Variants in ZNF628 observed in about 807,000 individuals in gnomAD.
ZNF628 encodes the protein zinc finger protein 628, also known as zinc finger protein Zec.
In ZNF628, 3 loss-of-function variants were observed where a neutral mutation model predicts 2.5. The ratio of observed to expected loss-of-function variants is 1.19; its 90% CI spans 0.54 to 3.07. ZNF628 has a LOEUF of 3.07. Among genes scored for constraint, ZNF628 ranks in the 30% most tolerant of loss-of-function variants. The pLI is 0.03. For synonymous variants in ZNF628, 861 were observed against 717.1 expected (o/e 1.20, Z -3.21); for missense variants, 1,610 against 1,517.1 (o/e 1.06, Z -1.02).
rs1235665654 is a variant in ZNF628 at position 55,481,806 on chromosome 19, C to T, written c.613C>T (p.Arg205Cys). The change falls in exon 3 of 3, where the codon CGC (arginine) becomes TGC (cysteine). Residue 205 changes from arginine to cysteine, a missense_variant. This residue lies in a region of ZNF628 where 651 missense variants were observed against 575.6 expected (regional missense o/e 1.13). Coordinates refer to ENST00000598519, the MANE Select transcript of ZNF628 (RefSeq NM_033113.3). ...QRVHTGERPF[R>C]CPLCPKTFTH... is the part of the protein sequence containing the mutation. ...CGTGCACACGGGCGAGCGGCCCTTC[C>T]GCTGCCCGCTCTGCCCCAAGACCTT... 1.9e-6 allele frequency: 3 copies of T among 1,601,890 alleles called. No homozygotes were observed. The highest frequency in any genetic ancestry group is 1.3e-5 in the African/African-American group (1 of 74,502).
rs1443577688 is a variant in ZNF628 at position 55,484,170 on chromosome 19, G to A, written c.2977G>A (p.Gly993Arg). The A allele has an allele frequency of 1.3e-6, 2 of 1,565,312 alleles. No individual in the cohort carries two copies. Among genetic ancestry groups the A allele is most frequent in the African/African-American group, 1.4e-5 (1 of 73,440 alleles). The change falls in exon 3 of 3, where the codon GGA (glycine) becomes AGA (arginine). Residue 993 changes from glycine to arginine, a missense_variant. Around this residue, in one of 5 missense-constraint regions of ZNF628, gnomAD observed 712 missense variants for 603.6 expected, o/e 1.18. Transcript: ENST00000598519. ...GCTGCTGGACAGCAGCAACACTGGA[G>A]GAGGCACCGCCACGCTGCAGCTCCT... ...TELLDSSNTG[G>R]GTATLQLLAP... is the part of the protein sequence containing the mutation.
At position 55,483,480 on chromosome 19, in the gene ZNF628, G is replaced by A; in HGVS notation, c.2287G>A (p.Ala763Thr). 6.5e-7 allele frequency: 1 copy of A among 1,528,848 alleles called. No individual in the cohort carries two copies. The highest frequency in any genetic ancestry group is 8.8e-7 in the Non-Finnish European group (1 of 1,140,218). The allele number at this position is 1,528,848 out of a possible 1,614,324, so 94.7% of individuals were successfully genotyped here. ...GGGRARQGPR[A>T]VGKAGQGAGV... The stretch of plus-strand genomic sequence containing the variant: ...CGGCCGTGCAAGGCAGGGCCCGCGG[G>A]CAGTGGGGAAAGCGGGCCAGGGGGC... The change falls in exon 3 of 3, where the codon GCA (alanine) becomes ACA (threonine). Residue 763 changes from alanine to threonine, a missense_variant. Physicochemically the swap from Ala to Thr is moderately conservative, Grantham distance 58 (BLOSUM62 0). Around this residue, in one of 5 missense-constraint regions of ZNF628, gnomAD observed 712 missense variants for 603.6 expected, o/e 1.18. Transcript: ENST00000598519.
rs572374368 is a variant in ZNF628, at chr19:55,479,398, G to C, written c.-77-436G>C. 1.3e-5 allele frequency among the ~76,000 whole-genome samples: 2 copies of C among 152,340 alleles called. No individual in the cohort carries two copies. The highest frequency in any genetic ancestry group is 3.9e-4 in the East Asian group (2 of 5,186). ...GAATGGAGAAACGAGTCTGCAGCTG[G>C]ACAGGGAAGTGGAGTGAAGAGCTTT... On this transcript the variant is annotated intron_variant, in intron 1 of 2. Transcript: ENST00000598519. This position sits in a 1 kb window ranked among gnomAD's most constrained non-coding sequence, Gnocchi z 5.1.
At position 55,483,891 on chromosome 19, in the gene ZNF628, T is replaced by C. The variant is rs561645654; in HGVS notation, c.2698T>C (p.Leu900=). ...LVVQSGAAEE[L]LTGPGPGEAG... ...TGTTCAGAGCGGGGCAGCTGAGGAG[T>C]TGCTCACTGGCCCGGGCCCCGGGGA... is the stretch of plus-strand genomic sequence containing the variant. The change falls in exon 3 of 3, where the codon TTG becomes CTG. Residue 900 remains leucine (L), a synonymous_variant. Coordinates refer to ENST00000598519, the MANE Select transcript of ZNF628 (RefSeq NM_033113.3). 52 of 1,601,484 alleles carry C rather than the reference T, an allele frequency of 3.2e-5. No homozygotes were observed. In the East Asian group the frequency reaches 9.9e-4, roughly 30 times the overall value.
Position 55,484,303 on chromosome 19 carries a change from C to A in ZNF628, c.3110C>A (p.Thr1037Asn). The A allele has an allele frequency of 1.3e-6, 2 of 1,509,570 alleles. No individual in the cohort carries two copies. Among genetic ancestry groups the A allele is most frequent in the Non-Finnish European group, 1.8e-6 (2 of 1,128,084 alleles). 93.5% of individuals were successfully genotyped at this position (1,509,570 alleles called of 1,614,324 possible). Residue 1037 changes from threonine to asparagine, a missense_variant, in exon 3 of 3, where the codon ACC (threonine) becomes AAC (asparagine). Thr to Asn is a moderately conservative substitution (Grantham distance 65, BLOSUM62 0). Coordinates refer to ENST00000598519, the MANE Select transcript of ZNF628 (RefSeq NM_033113.3). The stretch of plus-strand genomic sequence containing the variant: ...GCAGGAGCTGGGCCTGGTGTTATGA[C>A]CCCTCAGGGCCTGCCCTCCATCCAG... ...VPAGAGPGVM[T>N]PQGLPSIQIV...
In ZNF628 at chr19:55,483,905, G is replaced by T; in HGVS notation, c.2712G>T (p.Pro904=). Residue 904 remains proline, a synonymous_variant, in exon 3 of 3, where the codon CCG becomes CCT. Coordinates refer to ENST00000598519, the MANE Select transcript of ZNF628 (RefSeq NM_033113.3). ...SGAAEELLTG[P]GPGEAGDGEA... is the part of the protein sequence containing the mutation. Reference sequence around the variant, plus strand: ...CAGCTGAGGAGTTGCTCACTGGCCCGGGCCCCGGGGAGGCGGGGGATGGCG... The same window carrying T: ...CAGCTGAGGAGTTGCTCACTGGCCCTGGCCCCGGGGAGGCGGGGGATGGCG... 3 of 1,589,840 alleles carry T rather than the reference G, an allele frequency of 1.9e-6. No individual in the cohort carries two copies. Among genetic ancestry groups the T allele is most frequent in the Non-Finnish European group, 2.6e-6 (3 of 1,166,604 alleles).
Position 55,481,238 on chromosome 19 carries a change from C to A in ZNF628, c.45C>A (p.Ala15=). 1 of 1,577,210 alleles carries A rather than the reference C, an allele frequency of 6.3e-7. No individual in the cohort carries two copies. The highest frequency in any genetic ancestry group is 1.8e-5 in the Admixed American group (1 of 54,636). The change falls in exon 3 of 3, where the codon GCC becomes GCA. Residue 15 remains alanine (A), a synonymous_variant. Coordinates refer to ENST00000598519, the MANE Select transcript of ZNF628 (RefSeq NM_033113.3). The part of the protein sequence containing the change: ...MVGSHADMAP[A]STAEGAGEKP... ...GCTCCCACGCGGACATGGCGCCGGC[C>A]TCTACTGCGGAGGGGGCCGGGGAGA...
At chr19:55,476,956 G>C (rs1246019864) in intron 1 of ZNF628, 149 bp downstream of exon 1, 1 of 152,168 alleles carries the variant, frequency 6.6e-6, no homozygotes, top group Non-Finnish European at 1.5e-5. Context: ...GCTAGGCCGG[G>C]TCCGCCCTCT....
In ZNF628 at chr19:55,483,201, C is replaced by G. The variant is rs756660858; in HGVS notation, c.2008C>G (p.Arg670Gly). 4 of 1,543,542 alleles carry G rather than the reference C, an allele frequency of 2.6e-6. No homozygotes were observed. The highest frequency in any genetic ancestry group is 3.5e-6 in the Non-Finnish European group (4 of 1,151,584). ...PQPPAPLAAARAPPATQDVHV... is the reference protein window; with the variant it reads ...PQPPAPLAAAGAPPATQDVHV... ...GCCCCCTGCTCCACTGGCTGCTGCG[C>G]GGGCCCCGCCAGCCACCCAAGATGT... Residue 670 changes from arginine to glycine, a missense_variant, in exon 3 of 3, where the codon CGG (arginine) becomes GGG (glycine). This residue lies in a region of ZNF628 where 712 missense variants were observed against 603.6 expected (regional missense o/e 1.18). Coordinates refer to ENST00000598519, the MANE Select transcript of ZNF628 (RefSeq NM_033113.3).
At chr19:55,478,065 TG>T (rs1452249220) in intron 1 of ZNF628, among the ~76,000 whole-genome samples, 2 of 151,636 alleles carry the variant, frequency 1.3e-5, no homozygotes, top group Admixed American at 1.3e-4. Flanking sequence ...GAGTGAGCTT[TG>T]TGGACAGCGT....
At position 55,479,363 on chromosome 19, in the gene ZNF628, T is replaced by C. The variant is rs1478625565; in HGVS notation, c.-77-471T>C. Among the ~76,000 whole-genome samples, 1 of 152,214 alleles carries C rather than the reference T, an allele frequency of 6.6e-6. No individual in the cohort carries two copies. The highest frequency in any genetic ancestry group is 2.4e-5 in the African/African-American group (1 of 41,452). On this transcript the variant is annotated intron_variant, in intron 1 of 2. Coordinates refer to ENST00000598519, the MANE Select transcript of ZNF628 (RefSeq NM_033113.3). This position sits in a 1 kb window ranked among gnomAD's most constrained non-coding sequence, Gnocchi z 5.1. ...GAGCGGGCTGACACTTGAGCTGCTC[T>C]GCTGTGAAGGAATGGAGAAACGAGT...
In ZNF628 at chr19:55,479,444, A is replaced by G. The variant is rs545605086; in HGVS notation, c.-77-390A>G. 1.3e-5 allele frequency among the ~76,000 whole-genome samples: 2 copies of G among 152,156 alleles called. No homozygotes were observed. Among genetic ancestry groups the G allele is most frequent in the East Asian group, 1.9e-4 (1 of 5,164 alleles). On this transcript the variant is annotated intron_variant, in intron 1 of 2. Coordinates refer to ENST00000598519, the MANE Select transcript of ZNF628 (RefSeq NM_033113.3). The surrounding 1 kb of genome is among the most constrained non-coding windows in gnomAD (Gnocchi z 5.1). ...GCTTTTTGGTTTTTAAAGATGGGAGACATAGATTGTTGGTTCTGCAGATGG... is the reference window on the plus strand; with the variant it reads ...GCTTTTTGGTTTTTAAAGATGGGAGGCATAGATTGTTGGTTCTGCAGATGG...
chr19:55,483,473 C>A lies in ZNF628; in HGVS notation c.2280C>A (p.Gly760=). The A allele has an allele frequency of 2.0e-6, 3 of 1,521,890 alleles. No homozygotes were observed. The highest frequency in any genetic ancestry group is 2.6e-6 in the Non-Finnish European group (3 of 1,137,016). The allele number at this position is 1,521,890 out of a possible 1,614,324, so 94.3% of individuals were successfully genotyped here. The change falls in exon 3 of 3, where the codon GGC becomes GGA. Residue 760 remains glycine, a synonymous_variant. Coordinates refer to ENST00000598519, the MANE Select transcript of ZNF628 (RefSeq NM_033113.3). ...CTGGGGGCGGCCGTGCAAGGCAGGG[C>A]CCGCGGGCAGTGGGGAAAGCGGGCC... ...AGAGGGRARQ[G]PRAVGKAGQG...
rs781562148 is a variant in ZNF628 at position 55,481,822 on chromosome 19, C to T, written c.629C>T (p.Pro210Leu). The T allele has an allele frequency of 1.9e-6, 3 of 1,597,350 alleles. No individual in the cohort carries two copies. Among genetic ancestry groups the T allele is most frequent in the South Asian group, 1.1e-5 (1 of 89,480 alleles). ...GERPFRCPLC[P>L]KTFTHSSNLL... Reference sequence around the variant, plus strand: ...CGGCCCTTCCGCTGCCCGCTCTGCCCCAAGACCTTCACCCACTCCTCCAAC... The same window carrying T: ...CGGCCCTTCCGCTGCCCGCTCTGCCTCAAGACCTTCACCCACTCCTCCAAC... The change falls in exon 3 of 3, where the codon CCC (proline) becomes CTC (leucine). Residue 210 changes from proline to leucine, a missense_variant. Pro to Leu is a moderately conservative substitution (Grantham distance 98, BLOSUM62 -3). Around this residue, in one of 5 missense-constraint regions of ZNF628, gnomAD observed 651 missense variants for 575.6 expected, o/e 1.13. Transcript: ENST00000598519.
In ZNF628 at chr19:55,481,111, G is replaced by A. The variant is rs970103057; in HGVS notation, c.8-90G>A. On this transcript the variant is annotated intron_variant, in intron 2 of 2. Coordinates refer to ENST00000598519, the MANE Select transcript of ZNF628 (RefSeq NM_033113.3). Reference sequence around the variant, plus strand: ...GCAAAGTGGGTGACCTGGGGAGGTAGTCCCTGTCCCTTAAAGAGCCCGTGT... The same window carrying A: ...GCAAAGTGGGTGACCTGGGGAGGTAATCCCTGTCCCTTAAAGAGCCCGTGT... 7 of 1,430,330 alleles carry A rather than the reference G, an allele frequency of 4.9e-6. No individual in the cohort carries two copies. In the African/African-American group the frequency reaches 1.0e-4, roughly 21 times the overall value. 88.6% of individuals were successfully genotyped at this position (1,430,330 alleles called of 1,614,324 possible).
chr19:55,481,453 C>T lies in ZNF628; in HGVS notation c.260C>T (p.Thr87Met), dbSNP rs1204456562. The T allele has an allele frequency of 1.9e-6, 3 of 1,612,736 alleles. No homozygotes were observed. The highest frequency in any genetic ancestry group is 2.5e-6 in the Non-Finnish European group (3 of 1,179,678). Residue 87 changes from threonine (T) to methionine (M), a missense_variant, in exon 3 of 3, where the codon ACG becomes ATG. Physicochemically the swap from Thr to Met is moderately conservative, Grantham distance 81. Around this residue, in one of 5 missense-constraint regions of ZNF628, gnomAD observed 166 missense variants for 241.3 expected, o/e 0.69. Transcript: ENST00000598519. ...CTGCTCTACCACCAGCGAGGCCACA[C>T]GGGCGAGCGGCCCTACCAGTGCCCC... ...SALLYHQRGH[T>M]GERPYQCPDC...
In ZNF628 at chr19:55,484,230, GCGGGGCTCCC is replaced by G. The variant is rs1166129318; in HGVS notation, c.3047_3056del (p.Pro1016GlnfsTer18). The G allele has an allele frequency of 1.3e-6, 2 of 1,548,754 alleles. No homozygotes were observed. Among genetic ancestry groups the G allele is most frequent in the East Asian group, 2.4e-5 (1 of 40,870 alleles). ...GCCGTCAGGCCCAGCCTCGGGCCCC[GCGGGGCTCCC>G]CGGGGCTCCAGCCTCCCAGATGGTG... is the stretch of plus-strand genomic sequence containing the variant. On this transcript the variant is annotated frameshift_variant, in exon 3 of 3. Transcript: ENST00000598519. LOFTEE classifies it high-confidence loss of function.
chr19:55,483,746 A>G lies in ZNF628; in HGVS notation c.2553A>G (p.Val851=), dbSNP rs138326099. The change falls in exon 3 of 3, where the codon GTA becomes GTG. Residue 851 remains valine, a synonymous_variant. Transcript: ENST00000598519. ...TCCAGCTCCAGCCAGCACAGGAAGTAACCACGGTCCAGCTCCAGCCAGCAC... is the reference window on the plus strand; with the variant it reads ...TCCAGCTCCAGCCAGCACAGGAAGTGACCACGGTCCAGCTCCAGCCAGCAC... ...TTVQLQPAQE[V]TTVQLQPAQE... is the part of the protein sequence containing the mutation. 3,775 of 1,612,772 alleles carry G rather than the reference A, an allele frequency of 2.3e-3. 8 individuals are homozygous for G. The highest frequency in any genetic ancestry group is 2.9e-3 in the Non-Finnish European group (3,372 of 1,179,296).
In ZNF628 at chr19:55,483,665, A is replaced by G. The variant is rs201058799; in HGVS notation, c.2472A>G (p.Arg824=). The change falls in exon 3 of 3, where the codon CGA becomes CGG. Residue 824 remains arginine, a synonymous_variant. Coordinates refer to ENST00000598519, the MANE Select transcript of ZNF628 (RefSeq NM_033113.3). ...EMSGVQLQPL[R]PAPEVTTVQL... ...GTGGGGTGCAGCTCCAGCCCCTCCG[A>G]CCAGCCCCAGAAGTAACCACGGTCC... 2 of 1,613,608 alleles carry G rather than the reference A, an allele frequency of 1.2e-6. No individual in the cohort carries two copies. The highest frequency in any genetic ancestry group is 1.7e-6 in the Non-Finnish European group (2 of 1,179,828).
Sources: allele counts gnomAD v4.1 joint callset (sites outside exome capture counted in the v4.1 genomes callset), GRCh38; gene constraint gnomAD v4.1.1; regional missense constraint gnomAD v4.1.1; non-coding constraint Gnocchi (gnomAD v3.1); transcripts MANE v1.5; gene names NCBI Gene and HGNC (gene_info 2026-07-23, HGNC 2026-07-21).